Variants in LRMDA observed in about 807,000 individuals in gnomAD.
The protein encoded by LRMDA is leucine rich melanocyte differentiation associated.
LRMDA carries 18 observed loss-of-function variants against 29.8 expected under a neutral mutation model. The observed-to-expected ratio is 0.60, with a 90% CI of 0.42 to 0.90. LRMDA has a LOEUF of 0.90. Among genes scored for constraint, LRMDA ranks in the 40% least tolerant of loss-of-function variants. The pLI, the probability that LRMDA is intolerant of heterozygous loss-of-function variation, is 0.00. For synonymous variants in LRMDA, 125 were observed against 109.4 expected, an observed-to-expected ratio of 1.14 and a Z score of -0.89; for missense variants, 273 against 273.9, an observed-to-expected ratio of 1.00 and a Z score of 0.02.
At chr10:76,211,362 A>G (rs1402212444) in intron 5 of LRMDA, among the ~76,000 whole-genome samples, 1 of 152,184 alleles carries the variant, frequency 6.6e-6, no homozygotes, top group Non-Finnish European at 1.5e-5. Flanking sequence ...TTGACTAGAT[A>G]ATCAATTTCT....
chr10:75,769,910 A>G (rs115012208), intron 2 of LRMDA, among the ~76,000 whole-genome samples: 2,002 of 152,172 alleles, frequency 0.013, 45 homozygotes, highest in African/African-American at 0.046. Context: ...TTGAACTGGC[A>G]AGGTGGAGGT....
At chr10:75,913,382 A>G (rs113307842) in intron 2 of LRMDA, among the ~76,000 whole-genome samples, 2,537 of 152,120 alleles carry the variant, frequency 0.017, 70 homozygotes, top group African/African-American at 0.058. Context: ...GCTTGAACCA[A>G]GAGGCAGAGG....
chr10:75,675,158 A>G (rs1454774466), intron 2 of LRMDA, among the ~76,000 whole-genome samples: 1 of 152,124 alleles, frequency 6.6e-6, no homozygotes, highest in Admixed American at 6.5e-5. Flanking sequence ...AATACAGTCT[A>G]TTATTTATGG....
chr10:75,634,744 TAAATC>T (rs1188120060), intron 2 of LRMDA, among the ~76,000 whole-genome samples: 3 of 152,226 alleles, frequency 2.0e-5, no homozygotes, highest in Non-Finnish European at 2.9e-5. Flanking sequence ...CAAAAACTAT[TAAATC>T]AATTAGAGTT....
chr10:76,292,342 A>G (rs1039241739), intron 5 of LRMDA, among the ~76,000 whole-genome samples: 6 of 152,142 alleles, frequency 3.9e-5, no homozygotes, highest in Admixed American at 6.5e-5. Context: ...CACTTGCACA[A>G]CCAAGCTCAC....
At chr10:75,621,024 T>TATCATTCTTATGCCTTTGTGTCCTCGTA (rs1841175402) in intron 2 of LRMDA, among the ~76,000 whole-genome samples, 1 of 152,178 alleles carries the variant, frequency 6.6e-6, no homozygotes, top group Non-Finnish European at 1.5e-5. Context: ...AAGTCTAATG[T>TATCATTCTTATGCCTTTGTGTCCTCGTA]ATCATTCTTA....
intron 2 of LRMDA, among the ~76,000 whole-genome samples, chr10:75,967,405 A>G (rs1846881927): frequency 3.3e-5 from 5 of 152,210 alleles, no homozygotes; most frequent in Non-Finnish European, 7.3e-5. Context: ...TATAACATTA[A>G]GAGAGTCCCA....
At chr10:75,471,907 G>A (rs990668595) in intron 2 of LRMDA, among the ~76,000 whole-genome samples, 4 of 152,082 alleles carry the variant, frequency 2.6e-5, no homozygotes, top group African/African-American at 9.7e-5. Context: ...CTCATAGAAG[G>A]AGAGCTTGGA....
chr10:75,893,242 GT>G (rs1005987213), intron 2 of LRMDA, among the ~76,000 whole-genome samples: 2 of 152,188 alleles, frequency 1.3e-5, no homozygotes, highest in African/African-American at 4.8e-5. Context: ...TGAGGGCTCA[GT>G]GGGTGCTAGG....
At chr10:75,733,703 C>T (rs974824860) in intron 2 of LRMDA, among the ~76,000 whole-genome samples, 2 of 152,188 alleles carry the variant, frequency 1.3e-5, no homozygotes, top group African/African-American at 4.8e-5. Context: ...GGGAAGGGAA[C>T]CCTCTCCTCA....
intron 5 of LRMDA, among the ~76,000 whole-genome samples, chr10:76,282,911 T>A (rs1205943707): frequency 6.6e-6 from 1 of 152,166 alleles, no homozygotes; most frequent in Non-Finnish European, 1.5e-5. Context: ...TTCAATTTCA[T>A]GTCCAAACAG....
intron 2 of LRMDA, among the ~76,000 whole-genome samples, chr10:75,570,742 G>C (rs980776598): frequency 6.6e-6 from 1 of 152,132 alleles, no homozygotes. Flanking sequence ...TATTTAAAAG[G>C]TTTCTTTTGT....
chr10:75,858,038 G>A (rs1015775984), intron 2 of LRMDA, among the ~76,000 whole-genome samples: 2 of 152,220 alleles, frequency 1.3e-5, no homozygotes, highest in Non-Finnish European at 2.9e-5. Context: ...ATGGCTCAAA[G>A]TCTATGGAAG....
intron 6 of LRMDA, among the ~76,000 whole-genome samples, chr10:76,368,019 C>G (rs536819217): frequency 6.6e-6 from 1 of 152,092 alleles, no homozygotes; most frequent in East Asian, 1.9e-4. Context: ...TGTTAATGGT[C>G]TATCAATTTT....
chr10:75,892,189 T>C (rs1048981137), intron 2 of LRMDA, among the ~76,000 whole-genome samples: 6 of 152,248 alleles, frequency 3.9e-5, no homozygotes, highest in Non-Finnish European at 8.8e-5. Flanking sequence ...TATTCTCATT[T>C]TGAATGTAAT....
chr10:75,524,167 C>A (rs898565316), intron 2 of LRMDA, among the ~76,000 whole-genome samples: 2 of 152,098 alleles, frequency 1.3e-5, no homozygotes, highest in African/African-American at 2.4e-5. Context: ...CAATGAACGA[C>A]TTTATAGTGG....
chr10:75,553,514 C>T (rs546153923), intron 2 of LRMDA, among the ~76,000 whole-genome samples: 1 of 152,072 alleles, frequency 6.6e-6, no homozygotes, highest in African/African-American at 2.4e-5. Flanking sequence ...TTAGGTAGGC[C>T]CTGTGTATCT....
intron 2 of LRMDA, among the ~76,000 whole-genome samples, chr10:75,496,502 G>A (rs780010096): frequency 3.9e-5 from 6 of 152,206 alleles, no homozygotes; most frequent in Non-Finnish European, 5.9e-5. Flanking sequence ...GAAAACTTGA[G>A]CAATAGTCTA....
Position 75,431,685 on chromosome 10 carries a change from C to A in LRMDA, c.-40C>A. The A allele has an allele frequency of 7.8e-7, 1 of 1,278,082 alleles. No individual in the cohort carries two copies. Among genetic ancestry groups the A allele is most frequent in the Non-Finnish European group, 9.8e-7 (1 of 1,018,482 alleles). 79.2% of individuals were successfully genotyped at this position (1,278,082 alleles called of 1,614,324 possible). On this transcript the variant is annotated 5_prime_UTR_variant, in exon 1 of 7. Transcript: ENST00000611255. The stretch of plus-strand genomic sequence containing the variant: ...CGCTCCCCGCTGCTGCCGCCGCGCC[C>A]CCGCGCTCCGTCCCGCGCGCCCGCA...
Sources: gnomAD v4.1 joint callset for allele counts (sites outside exome capture counted in the v4.1 genomes callset) on GRCh38, gnomAD v4.1.1 for gene constraint, MANE v1.5 for transcripts, NCBI Gene and HGNC (gene_info 2026-07-23, HGNC 2026-07-21) for gene names.